LGI1: variants seen among roughly 807,000 people sequenced by gnomAD.
The protein encoded by LGI1 is leucine-rich glioma-inactivated protein 1.
A neutral mutation model predicts 57.7 loss-of-function variants in LGI1; 11 were observed. The observed-to-expected ratio is 0.19, with a 90% CI of 0.12 to 0.32. LGI1 has a LOEUF of 0.32. LGI1 is among the 10% of genes least tolerant of loss of function. LGI1 has a pLI of 1.00. For missense variants in LGI1, 422 were observed against 661.9 expected (o/e 0.64, Z 3.98); for synonymous variants, 222 against 241.9 (o/e 0.92, Z 0.76).
chr10:93,773,801 G>C (rs941405913), intron 2 of LGI1, among the ~76,000 whole-genome samples: 8 of 152,104 alleles, frequency 5.3e-5, no homozygotes, highest in African/African-American at 1.9e-4. Context: ...TTAGGAAAAT[G>C]CTTCCCTAAA....
chr10:93,789,748 C>G, intron 4 of LGI1: 1 of 230,798 alleles, frequency 4.3e-6, no homozygotes, highest in Admixed American at 5.2e-5. Flanking sequence ...GTGGCGGGCA[C>G]ATGTAATCCC....
At chr10:93,766,536 G>A (rs1351442571) in intron 2 of LGI1, among the ~76,000 whole-genome samples, 2 of 4,916 alleles carry the variant, frequency 4.1e-4, no homozygotes, top group South Asian at 0.01. Context: ...ACGGAGTCTC[G>A]CTCTGTCCCC....
chr10:93,778,747 A>T (rs982241270), intron 4 of LGI1: 1 of 152,190 alleles, frequency 6.6e-6, no homozygotes, highest in African/African-American at 2.4e-5. Context: ...TCATTCTGTC[A>T]GCTTTAACCT....
intron 5 of LGI1, chr10:93,791,526 T>C (rs907119758): frequency 6.6e-6 from 1 of 152,234 alleles, no homozygotes; most frequent in African/African-American, 2.4e-5. Flanking sequence ...AAGAATTATC[T>C]TAGAAGTACA....
At chr10:93,793,547 A>G (rs1313207927) in intron 7 of LGI1, among the ~76,000 whole-genome samples, 197 bp downstream of exon 7, 1 of 152,230 alleles carries the variant, frequency 6.6e-6, no homozygotes, top group African/African-American at 2.4e-5. Context: ...CTTAACTCAC[A>G]AGGTTGTTAA....
At chr10:93,767,863 A>G (rs906615390) in intron 2 of LGI1, 1 of 152,216 alleles carries the variant, frequency 6.6e-6, no homozygotes, top group Non-Finnish European at 1.5e-5. Flanking sequence ...CTGAGTGTGT[A>G]AATATACACT....
chr10:93,786,776 C>A lies in LGI1; in HGVS notation c.432-3323C>A, dbSNP rs141160069. Among the ~76,000 whole-genome samples, 353 of 152,244 alleles carry A rather than the reference C, an allele frequency of 2.3e-3. 6 individuals carry two copies. The highest frequency in any genetic ancestry group is 6.8e-3 in the African/African-American group (284 of 41,524). ...ACCCAACTAATTTTTGTATTTTTCGCAGACAGAGGATTTTGCCTTGTTGTC... is the reference window on the plus strand; with the variant it reads ...ACCCAACTAATTTTTGTATTTTTCGAAGACAGAGGATTTTGCCTTGTTGTC... On this transcript the variant is annotated intron_variant, in intron 4 of 7. Transcript: ENST00000371418.
intron 2 of LGI1, 113 bp from the exon 3 acceptor site, chr10:93,777,266 C>A: frequency 1.2e-6 from 1 of 868,656 alleles, no homozygotes; most frequent in Non-Finnish European, 2.0e-6. Context: ...AGCAGACAGC[C>A]ATGCAGACAT....
intron 4 of LGI1, among the ~76,000 whole-genome samples, chr10:93,783,256 G>A (rs980740916): frequency 6.6e-6 from 1 of 152,088 alleles, no homozygotes; most frequent in Middle Eastern, 3.2e-3. Flanking sequence ...GGCGCCTGTA[G>A]TCCCAGCTAC....
chr10:93,777,327 G>T, intron 2 of LGI1, 52 bp from the exon 3 acceptor site: 1 of 1,529,528 alleles, frequency 6.5e-7, no homozygotes, highest in Non-Finnish European at 9.1e-7. Context: ...AAGCAGCCAA[G>T]ATTGACAATC....
chr10:93,797,947 C>G lies in LGI1; in HGVS notation c.*144C>G. The G allele has an allele frequency of 1.4e-6, 1 of 711,906 alleles. No homozygotes were observed. Among genetic ancestry groups the G allele is most frequent in the Non-Finnish European group, 2.5e-6 (1 of 394,144 alleles). The allele number at this position is 711,906 out of a possible 1,614,324, so 44.1% of individuals were successfully genotyped here. On this transcript the variant is annotated 3_prime_UTR_variant, in exon 8 of 8. Transcript: ENST00000371418. The surrounding 1 kb of genome is among the most constrained non-coding windows in gnomAD (Gnocchi z 6.5). The stretch of plus-strand genomic sequence containing the variant: ...TGCTAGAACCAAGCACTACCAGTAT[C>G]TCCATCCTTAACTGTCCAGTCCAGT...
At chr10:93,774,633 G>T (rs1483694993) in intron 2 of LGI1, among the ~76,000 whole-genome samples, 3 of 152,158 alleles carry the variant, frequency 2.0e-5, no homozygotes. Context: ...TGGGCCATGG[G>T]ATGCTGGTTG....
chr10:93,765,618 T>G (rs113149151), intron 2 of LGI1: 128 of 152,314 alleles, frequency 8.4e-4, no homozygotes, highest in African/African-American at 3.0e-3. Flanking sequence ...ATCTTAAAAT[T>G]CTGTTGTATT....
chr10:93,786,076 G>T (rs1260887352), intron 4 of LGI1, among the ~76,000 whole-genome samples: 2 of 46,298 alleles, frequency 4.3e-5, no homozygotes, highest in African/African-American at 6.0e-5. Context: ...GCTTTAAGCT[G>T]GCGCAAAGAA....
intron 2 of LGI1, among the ~76,000 whole-genome samples, chr10:93,775,521 C>T (rs992991383): frequency 1.3e-5 from 2 of 152,138 alleles, no homozygotes; most frequent in Non-Finnish European, 2.9e-5. Flanking sequence ...CCAGTAGTCT[C>T]GTAATGATCA....
chr10:93,768,890 T>G (rs2059707019), intron 2 of LGI1: 1 of 152,188 alleles, frequency 6.6e-6, no homozygotes, highest in African/African-American at 2.4e-5. Context: ...TGGAACCAAA[T>G]TAAGGTTATT....
Position 93,758,676 on chromosome 10 carries a change from G to A in LGI1, c.216-84G>A, listed in dbSNP as rs908470469. The A allele has an allele frequency of 2.4e-5, 23 of 954,822 alleles. No homozygotes were observed. Among genetic ancestry groups the A allele is most frequent in the Admixed American group, 5.4e-5 (3 of 55,130 alleles). The allele number at this position is 954,822 out of a possible 1,614,324, so 59.1% of individuals were successfully genotyped here. On this transcript the variant is annotated intron_variant, in intron 1 of 7. Coordinates refer to ENST00000371418, the MANE Select transcript of LGI1 (RefSeq NM_005097.4). The surrounding 1 kb of genome is among the most constrained non-coding windows in gnomAD (Gnocchi z 4.7). ...AAAATAGTCACTGTTATGCTAAACC[G>A]GATTAACATAAGGTTTGTTCTGTGT...
At chr10:93,791,140 T>C (rs915377576) in intron 5 of LGI1, 1 of 152,204 alleles carries the variant, frequency 6.6e-6, no homozygotes, top group African/African-American at 2.4e-5. Flanking sequence ...CCCTCCTCCA[T>C]GTCTATTACC....
intron 2 of LGI1, among the ~76,000 whole-genome samples, chr10:93,773,096 A>G (rs2059756394): frequency 6.6e-6 from 1 of 152,122 alleles, no homozygotes; most frequent in African/African-American, 2.4e-5. Context: ...AAACAAAAAA[A>G]AAAAAACTGG....
Sources: allele counts gnomAD v4.1 joint callset (sites outside exome capture counted in the v4.1 genomes callset), GRCh38; gene constraint gnomAD v4.1.1; non-coding constraint Gnocchi (gnomAD v3.1); transcripts MANE v1.5; gene names NCBI Gene and HGNC (gene_info 2026-07-23, HGNC 2026-07-21).